KYAT3: variants seen among roughly 807,000 people sequenced by gnomAD.
KYAT3 encodes the protein kynurenine aminotransferase 3.
Under a neutral mutation model 59.0 loss-of-function variants are expected in KYAT3, and 50 were observed. The observed-to-expected ratio is 0.85, with a 90% CI of 0.68 to 1.07. KYAT3 has a LOEUF of 1.07. KYAT3 is among the 50% of genes least tolerant of loss of function. The pLI is 0.00. For synonymous variants in KYAT3, 148 were observed against 177.0 expected (o/e 0.84, Z 1.30); for missense variants, 497 against 533.3 (o/e 0.93, Z 0.67).
At chr1:88,930,741 G>C in the KYAT3 span, among the ~76,000 whole-genome samples, 1 of 152,002 alleles carries the variant, frequency 6.6e-6, no homozygotes, top group Non-Finnish European at 1.5e-5. Flanking sequence ...TAGAGAGAAA[G>C]GGAATTCCCA....
chr1:88,959,963 G>C (rs972746989), intron 8 of KYAT3, among the ~76,000 whole-genome samples: 5 of 147,984 alleles, frequency 3.4e-5, no homozygotes, highest in South Asian at 4.3e-4. Flanking sequence ...ATCTACTTGG[G>C]AGGCTGAGGT....
At chr1:88,922,000 C>T in the KYAT3 span, among the ~76,000 whole-genome samples, 1 of 152,204 alleles carries the variant, frequency 6.6e-6, no homozygotes, top group African/African-American at 2.4e-5. Flanking sequence ...CAGTTACACA[C>T]TGTGGCCTAG....
At chr1:88,948,091 CAAACAAAACA>C (rs58858903) in intron 11 of KYAT3, among the ~76,000 whole-genome samples, 44,523 of 145,902 alleles carry the variant, frequency 0.31, 8,154 homozygotes, top group Non-Finnish European at 0.41. Context: ...GACCCTGCCT[CAAACAAAACA>C]AAACAAAACA....
chr1:88,925,630 GAAGAGA>G, the KYAT3 span, among the ~76,000 whole-genome samples: 1 of 149,496 alleles, frequency 6.7e-6, no homozygotes, highest in Non-Finnish European at 1.5e-5. Context: ...ATGGCTAAGA[GAAGAGA>G]AAGAGTGACA....
chr1:88,961,319 T>C (rs754939276), intron 7 of KYAT3, 32 bp from the exon 8 acceptor site: 1 of 1,613,570 alleles, frequency 6.2e-7, no homozygotes, highest in South Asian at 1.1e-5. Context: ...GCACAGCCAA[T>C]TATTCAACAT....
chr1:88,926,901 A>AT, the KYAT3 span, among the ~76,000 whole-genome samples: 1 of 152,218 alleles, frequency 6.6e-6, no homozygotes, highest in Non-Finnish European at 1.5e-5. Flanking sequence ...CTGGGTTGTT[A>AT]TGAAATACTC....
In KYAT3 at chr1:88,989,445, G is replaced by A. The variant is rs184181829; in HGVS notation, c.-1-1094C>T. ...TCAGTTTCTCCATTTTTCACAATAG[G>A]TGAATAAATTAATAAGGTTTGAGTT... On this transcript the variant is annotated intron_variant, in intron 1 of 13. Transcript: ENST00000260508. Among the ~76,000 whole-genome samples, 554 of 152,270 alleles carry A rather than the reference G, an allele frequency of 3.6e-3. 7 individuals are homozygous for A. Among genetic ancestry groups the A allele is most frequent in the African/African-American group, 0.013 (536 of 41,550 alleles).
chr1:88,930,872 G>C (rs1674892604), downstream of KYAT3, among the ~76,000 whole-genome samples: 2 of 152,018 alleles, frequency 1.3e-5, no homozygotes, highest in South Asian at 4.2e-4. Flanking sequence ...AAAGGAAAGG[G>C]AAACAGAAGG....
At position 88,986,864 on chromosome 1, in the gene KYAT3, C is replaced by T. The variant is rs1223039698; in HGVS notation, c.99+1388G>A. On this transcript the variant is annotated intron_variant, in intron 2 of 13. Coordinates refer to ENST00000260508, the MANE Select transcript of KYAT3 (RefSeq NM_001008661.3). ...TGGCCAGTGTTTTTCATTCGTCCAG[C>T]AATAGGAAGAATATTTATCTTTATC... Among the ~76,000 whole-genome samples the T allele has an allele frequency of 8.5e-5, 13 of 152,118 alleles. 1 individual carries two copies. The highest frequency in any genetic ancestry group is 6.5e-4 in the Admixed American group (10 of 15,278).
At chr1:88,925,459 A>C in the KYAT3 span, among the ~76,000 whole-genome samples, 3 of 152,148 alleles carry the variant, frequency 2.0e-5, 1 homozygote, top group Non-Finnish European at 4.4e-5. Context: ...TGTATCTCGA[A>C]AGGGATCTAA....
rs750839764 is a variant in KYAT3 at position 88,953,043 on chromosome 1, T to C, written c.954+20A>G. ...TCACCAAAAGACAATGCTTCTACCC[T>C]GAGTTACTATAACACTTACCTGTAA... On this transcript the variant is annotated intron_variant, in intron 10 of 13. Coordinates refer to ENST00000260508, the MANE Select transcript of KYAT3 (RefSeq NM_001008661.3). 4.2e-6 allele frequency: 6 copies of C among 1,443,388 alleles called. No homozygotes were observed. In the South Asian group the frequency reaches 6.9e-5, roughly 17 times the overall value. The allele number at this position is 1,443,388 out of a possible 1,614,324, so 89.4% of individuals were successfully genotyped here. A position where few individuals can be genotyped will look rare whatever the true frequency, so the allele number is the denominator to read the frequency against.
Position 88,951,483 on chromosome 1 carries a change from C to T in KYAT3, c.954+1580G>A, listed in dbSNP as rs1296499527. 3.9e-5 allele frequency among the ~76,000 whole-genome samples: 6 copies of T among 152,172 alleles called. No individual in the cohort carries two copies. The East Asian group carries it at 1.2e-3, about 29-fold the overall frequency. ...CTCCTGGCCTCAGGTGATCCGCTCA[C>T]CTTGGCCTCCCAAAGTGTTGGGATT... On this transcript the variant is annotated intron_variant, in intron 10 of 13. Coordinates refer to ENST00000260508, the MANE Select transcript of KYAT3 (RefSeq NM_001008661.3).
intron 2 of KYAT3, among the ~76,000 whole-genome samples, chr1:88,975,354 C>G (rs546054382): frequency 6.6e-6 from 1 of 152,084 alleles, no homozygotes; most frequent in African/African-American, 2.4e-5. Context: ...GGTTTCACCA[C>G]GTTAGCCAGG....
Position 88,949,270 on chromosome 1 carries a change from A to G in KYAT3, c.962T>C (p.Leu321Ser), listed in dbSNP as rs774162074. 6.5e-7 allele frequency: 1 copy of G among 1,544,964 alleles called. No homozygotes were observed. Residue 321 changes from leucine to serine, a missense_variant, in exon 11 of 14, where the codon TTG becomes TCG. Leu to Ser is a moderately radical substitution (Grantham distance 145, BLOSUM62 -2). Around this residue, in one of 2 missense-constraint regions of KYAT3, gnomAD observed 469 missense variants for 479.1 expected, o/e 0.98. Coordinates refer to ENST00000260508, the MANE Select transcript of KYAT3 (RefSeq NM_001008661.3). ...YTCATPLQEALAQAFWIDIKR... is the reference protein window; with the variant it reads ...YTCATPLQEASAQAFWIDIKR... ...GATGTCAATCCAGAAAGCTTGAGCC[A>G]AGGCTTCCTGTTTGTTAAGAATCAA...
At chr1:88,922,498 C>T in the KYAT3 span, among the ~76,000 whole-genome samples, 2 of 152,148 alleles carry the variant, frequency 1.3e-5, no homozygotes, top group Non-Finnish European at 2.9e-5. Flanking sequence ...ATTGCCTGAG[C>T]TCTGCCTCCT....
In KYAT3 at chr1:88,977,178, C is replaced by G. The variant is rs192572796; in HGVS notation, c.100-7711G>C. ...TACAGGCACGTGCCACCATGCCCAG[C>G]TAAATTTTGTATTTAAAAAAAAATT... On this transcript the variant is annotated intron_variant, in intron 2 of 13. Coordinates refer to ENST00000260508, the MANE Select transcript of KYAT3 (RefSeq NM_001008661.3). Among the ~76,000 whole-genome samples the G allele has an allele frequency of 4.4e-3, 671 of 152,048 alleles. 8 individuals carry two copies. The highest frequency in any genetic ancestry group is 0.011 in the South Asian group (53 of 4,826).
chr1:88,947,106 G>A, intron 11 of KYAT3, among the ~76,000 whole-genome samples: 1 of 152,106 alleles, frequency 6.6e-6, no homozygotes, highest in East Asian at 1.9e-4. Flanking sequence ...ACCTCACTGT[G>A]GTACAGCTAG....
the KYAT3 span, among the ~76,000 whole-genome samples, chr1:88,928,701 GC>G: frequency 6.6e-6 from 1 of 152,136 alleles, no homozygotes; most frequent in South Asian, 2.1e-4. Flanking sequence ...CCCTCACAGA[GC>G]CCCAGGTATG....
chr1:88,955,216 G>A lies in KYAT3; in HGVS notation c.797C>T (p.Pro266Leu). 6.2e-7 allele frequency: 1 copy of A among 1,607,326 alleles called. No homozygotes were observed. ...GNKHLKIATF[P>L]GMWERTITIG... Reference sequence around the variant, plus strand: ...TGTTATTGTTCTCTCCCACATACCTGGAAAAGTAGCTAAACAGAGGAGGAA... The same window carrying A: ...TGTTATTGTTCTCTCCCACATACCTAGAAAAGTAGCTAAACAGAGGAGGAA... The change falls in exon 9 of 14, where the codon CCA becomes CTA. Residue 266 changes from proline (P) to leucine (L), a missense_variant. Physicochemically the swap from Pro to Leu is moderately conservative, Grantham distance 98. This residue lies in a region of KYAT3 where 469 missense variants were observed against 479.1 expected (regional missense o/e 0.98). Transcript: ENST00000260508.
Sources: allele counts gnomAD v4.1 joint callset (sites outside exome capture counted in the v4.1 genomes callset), GRCh38; gene constraint gnomAD v4.1.1; regional missense constraint gnomAD v4.1.1; transcripts MANE v1.5; gene names NCBI Gene and HGNC (gene_info 2026-07-23, HGNC 2026-07-21).